Variants in GLDC observed in about 807,000 individuals in gnomAD.
The protein encoded by GLDC is glycine decarboxylase, also known as glycine dehydrogenase (decarboxylating), mitochondrial.
A neutral mutation model predicts 121.3 loss-of-function variants in GLDC; 104 were observed. The observed-to-expected ratio is 0.86, with a 90% CI of 0.73 to 1.01. The LOEUF is 1.01. Ranked by LOEUF, GLDC falls within the 50% of genes least tolerant of loss-of-function variation. The pLI, the probability that GLDC is intolerant of heterozygous loss-of-function variation, is 0.00. For missense variants in GLDC, 1,429 were observed against 1,306.6 expected (o/e 1.09, Z -1.44); for synonymous variants, 546 against 480.6 (o/e 1.14, Z -1.78).
Position 6,605,176 on chromosome 9 carries a change from C to T in GLDC, c.816G>A (p.Lys272=), listed in dbSNP as rs771125415. Residue 272 remains lysine, a synonymous_variant, in exon 6 of 25, where the codon AAG becomes AAA. Transcript: ENST00000321612. ...VLFQYPDTEG[K]VEDFTELVER... ...CCACGAGTTCCGTAAAGTCTTCCAC[C>T]TTCCCCTCCGTGTCTGGGTACTGGA... is the stretch of plus-strand genomic sequence containing the variant. The T allele has an allele frequency of 1.1e-5, 18 of 1,613,454 alleles. No individual in the cohort carries two copies. Among genetic ancestry groups the T allele is most frequent in the Non-Finnish European group, 1.5e-5 (18 of 1,179,890 alleles).
Position 6,543,217 on chromosome 9 carries a change from A to G in GLDC, c.2570-3071T>C, listed in dbSNP as rs115700698. On this transcript the variant is annotated intron_variant, in intron 21 of 24. Transcript: ENST00000321612. ...TTGATCCCAGGAGGTTGAGGCTGCA[A>G]TGAGCTATGATAATGTGACTGTACT... 3.4e-3 allele frequency among the ~76,000 whole-genome samples: 514 copies of G among 152,138 alleles called. 3 individuals are homozygous for G. The highest frequency in any genetic ancestry group is 0.02 in the Middle Eastern group (6 of 294).
At chr9:6,556,024 C>G in intron 18 of GLDC, 129 bp downstream of exon 18, 1 of 696,486 alleles carries the variant, frequency 1.4e-6, no homozygotes. Context: ...AGATCAACAA[C>G]CACCAGTGGT....
intron 8 of GLDC, among the ~76,000 whole-genome samples, chr9:6,596,761 G>T (rs1305433263): frequency 2.6e-5 from 4 of 152,178 alleles, no homozygotes; most frequent in Non-Finnish European, 5.9e-5. Context: ...TGAAAATACG[G>T]AGAAATTAGA....
intron 16 of GLDC, among the ~76,000 whole-genome samples, chr9:6,563,159 G>C (rs1817791031): frequency 6.6e-6 from 1 of 152,236 alleles, no homozygotes; most frequent in East Asian, 1.9e-4. Context: ...AGTCACGGAA[G>C]AACCCCGCCC....
At chr9:6,556,089 T>G in intron 18 of GLDC, 64 bp downstream of exon 18, 1 of 1,436,508 alleles carries the variant, frequency 7.0e-7, no homozygotes, top group East Asian at 2.3e-5. Context: ...AGTCAGAATT[T>G]TTTTTTTTTT....
chr9:6,579,712 C>T (rs1313257143), intron 15 of GLDC, among the ~76,000 whole-genome samples: 1 of 152,126 alleles, frequency 6.6e-6, no homozygotes, highest in Non-Finnish European at 1.5e-5. Flanking sequence ...TTACTTAATA[C>T]TGAATGTCAG....
chr9:6,550,719 C>G (rs1001288927), intron 21 of GLDC, 84 bp downstream of exon 21: 3 of 817,846 alleles, frequency 3.7e-6, no homozygotes, highest in Non-Finnish European at 6.6e-6. Flanking sequence ...AGTCTCTTGC[C>G]CATGTCAGAA....
chr9:6,533,981 G>C (rs1168603823), intron 24 of GLDC: 1 of 152,120 alleles, frequency 6.6e-6, no homozygotes, highest in African/African-American at 2.4e-5. Context: ...GGGAGGCCGG[G>C]GTGGGCGGAT....
chr9:6,584,676 C>T (rs780806625), intron 15 of GLDC, among the ~76,000 whole-genome samples: 1 of 152,232 alleles, frequency 6.6e-6, no homozygotes, highest in Non-Finnish European at 1.5e-5. Context: ...GGCATTTTCT[C>T]ATCTGTCACA....
At chr9:6,576,652 A>C (rs1337317191) in intron 15 of GLDC, among the ~76,000 whole-genome samples, 4 of 151,984 alleles carry the variant, frequency 2.6e-5, no homozygotes, top group Non-Finnish European at 5.9e-5. Flanking sequence ...TTTGCAGCAG[A>C]GATGGAGTTT....
intron 20 of GLDC, among the ~76,000 whole-genome samples, chr9:6,552,577 C>T (rs1341375297): frequency 6.6e-6 from 1 of 152,118 alleles, no homozygotes; most frequent in Non-Finnish European, 1.5e-5. Context: ...AAACAGTCAG[C>T]TCCACAGAGT....
intron 19 of GLDC, among the ~76,000 whole-genome samples, chr9:6,554,102 T>A (rs1240192227): frequency 1.3e-5 from 2 of 152,228 alleles, no homozygotes; most frequent in Non-Finnish European, 2.9e-5. Flanking sequence ...GGAAAACAGC[T>A]GCTCTCATCA....
chr9:6,630,179 G>A (rs554100697), intron 2 of GLDC, among the ~76,000 whole-genome samples: 2 of 151,960 alleles, frequency 1.3e-5, no homozygotes, highest in African/African-American at 4.8e-5. Flanking sequence ...TGAGGCAGGA[G>A]AATGGTGTGA....
intron 4 of GLDC, among the ~76,000 whole-genome samples, chr9:6,608,364 G>A (rs1264852887): frequency 4.6e-5 from 7 of 150,812 alleles, no homozygotes; most frequent in Non-Finnish European, 8.8e-5. Context: ...GGAGCTTGCA[G>A]TGAGCCGAGA....
chr9:6,611,532 G>A (rs1194556479), intron 3 of GLDC, among the ~76,000 whole-genome samples: 5 of 149,044 alleles, frequency 3.4e-5, no homozygotes, highest in Non-Finnish European at 7.4e-5. Context: ...CTCCAGCCTG[G>A]GCAACAGAGC....
At chr9:6,606,354 C>G (rs1818733518) in intron 5 of GLDC, among the ~76,000 whole-genome samples, 1 of 149,628 alleles carries the variant, frequency 6.7e-6, no homozygotes, top group Admixed American at 6.6e-5. Context: ...CAAAACACAA[C>G]TTACTATAAA....
In GLDC at chr9:6,604,641, A is replaced by G. The variant is rs781643031; in HGVS notation, c.1005T>C (p.Ala335=). The G allele has an allele frequency of 1.9e-6, 3 of 1,613,826 alleles. No individual in the cohort carries two copies. Among genetic ancestry groups the G allele is most frequent in the South Asian group, 1.1e-5 (1 of 91,062 alleles). The change falls in exon 7 of 25, where the codon GCT becomes GCC. Residue 335 remains alanine, a synonymous_variant. Transcript: ENST00000321612. Reference sequence around the variant, plus strand: ...TCATTCTCACCAAGCTTTCTCGGACAGCAAAAAATGCTGCATGGGGTCCCC... The same window carrying G: ...TCATTCTCACCAAGCTTTCTCGGACGGCAAAAAATGCTGCATGGGGTCCCC... ...GYGGPHAAFF[A]VRESLVRMMP...
At chr9:6,594,377 A>G (rs1818445682) in intron 9 of GLDC, among the ~76,000 whole-genome samples, 1 of 152,110 alleles carries the variant, frequency 6.6e-6, no homozygotes, top group African/African-American at 2.4e-5. Flanking sequence ...ACAGCTTGCC[A>G]GGAGTAAAAG....
intron 15 of GLDC, among the ~76,000 whole-genome samples, chr9:6,573,752 G>C (rs1210384239): frequency 6.6e-6 from 1 of 152,188 alleles, no homozygotes. Flanking sequence ...AATGATGGCA[G>C]TAAAGTGATC....
Sources: gnomAD v4.1 joint callset for allele counts (sites outside exome capture counted in the v4.1 genomes callset) on GRCh38, gnomAD v4.1.1 for gene constraint, MANE v1.5 for transcripts, NCBI Gene and HGNC (gene_info 2026-07-23, HGNC 2026-07-21) for gene names.